COG6: variants seen among roughly 807,000 people sequenced by gnomAD.
COG6 encodes the protein conserved oligomeric Golgi complex subunit 6.
A neutral mutation model predicts 88.8 loss-of-function variants in COG6; 74 were observed. That is an observed-to-expected ratio of 0.83 (90% CI 0.69 to 1.01). The LOEUF is 1.01. COG6 is among the 50% of genes least tolerant of loss of function. The pLI, the probability that COG6 is intolerant of heterozygous loss-of-function variation, is 0.00. For missense variants in COG6, 800 were observed against 797.9 expected, an observed-to-expected ratio of 1.00 and a Z score of -0.03; for synonymous variants, 286 against 278.7, an observed-to-expected ratio of 1.03 and a Z score of -0.26.
chr13:39,719,643 T>A lies in COG6; in HGVS notation c.1417-17T>A. The stretch of plus-strand genomic sequence containing the variant: ...GTGATTGAGAAATAAAGAGTTCATT[T>A]TATTTTTCATTTGTAGGTTTTATCA... On this transcript the variant is annotated splice_polypyrimidine_tract_variant and intron_variant, in intron 14 of 18. Coordinates refer to ENST00000455146, the MANE Select transcript of COG6 (RefSeq NM_020751.3). The A allele has an allele frequency of 6.2e-7, 1 of 1,606,312 alleles. No homozygotes were observed. The highest frequency in any genetic ancestry group is 8.5e-7 in the Non-Finnish European group (1 of 1,173,656).
chr13:39,690,924 T>G (rs988629925), intron 11 of COG6, among the ~76,000 whole-genome samples: 5 of 151,916 alleles, frequency 3.3e-5, no homozygotes, highest in Admixed American at 2.0e-4. Context: ...TGGCAGTTAC[T>G]GGAAAGGTAG....
At chr13:39,726,714 G>A (rs1879152269) in intron 17 of COG6, among the ~76,000 whole-genome samples, 1 of 151,904 alleles carries the variant, frequency 6.6e-6, no homozygotes, top group South Asian at 2.1e-4. Flanking sequence ...AAATAAGCAT[G>A]CCAGTCCTAC....
At chr13:39,706,365 G>A (rs1177674932) in intron 13 of COG6, among the ~76,000 whole-genome samples, 1 of 148,958 alleles carries the variant, frequency 6.7e-6, no homozygotes, top group Non-Finnish European at 1.5e-5. Context: ...TTTTTTGAAA[G>A]CAAATGGGCG....
chr13:39,740,437 A>G (rs146975273), intron 18 of COG6, among the ~76,000 whole-genome samples: 1 of 152,278 alleles, frequency 6.6e-6, no homozygotes, highest in African/African-American at 2.4e-5. Flanking sequence ...AATTCTTTCG[A>G]TGAATTTAAA....
intron 11 of COG6, 29 bp from the exon 12 acceptor site, chr13:39,694,605 G>A: frequency 7.5e-7 from 1 of 1,339,810 alleles, no homozygotes; most frequent in Non-Finnish European, 1.1e-6. Context: ...TTTAAGAAAT[G>A]TTTACTTTCC....
chr13:39,736,962 T>G (rs752329079), intron 18 of COG6, among the ~76,000 whole-genome samples: 8 of 152,180 alleles, frequency 5.3e-5, no homozygotes, highest in Non-Finnish European at 1.0e-4. Flanking sequence ...GTCCTTCTTA[T>G]GAAGGCTTTC....
At position 39,680,002 on chromosome 13, in the gene COG6, A is replaced by T. The variant is rs891132018; in HGVS notation, c.651A>T (p.Leu217Phe). 1 of 1,583,196 alleles carries T rather than the reference A, an allele frequency of 6.3e-7. No individual in the cohort carries two copies. The highest frequency in any genetic ancestry group is 1.3e-5 in the African/African-American group (1 of 74,344). Reference sequence around the variant, plus strand: ...TAGAAATTATGGAACAGATGGCCTTACTTCAAGAAACGGCTTATGAAAGAC... The same window carrying T: ...TAGAAATTATGGAACAGATGGCCTTTCTTCAAGAAACGGCTTATGAAAGAC... Reference protein sequence around the residue: ...AGLEIMEQMALLQETAYERLY... With the variant: ...AGLEIMEQMAFLQETAYERLY... The change falls in exon 7 of 19, where the codon TTA (leucine) becomes TTT (phenylalanine). Residue 217 changes from leucine (L) to phenylalanine (F), a missense_variant. Leu to Phe is a conservative substitution (Grantham distance 22). Coordinates refer to ENST00000455146, the MANE Select transcript of COG6 (RefSeq NM_020751.3).
chr13:39,713,868 T>C (rs752674716), intron 13 of COG6, among the ~76,000 whole-genome samples: 8 of 152,264 alleles, frequency 5.3e-5, no homozygotes, highest in Non-Finnish European at 1.0e-4. Context: ...GTTATTCTGC[T>C]ACAGGATTTT....
At chr13:39,736,875 A>G (rs546724151) in intron 18 of COG6, among the ~76,000 whole-genome samples, 1 of 152,146 alleles carries the variant, frequency 6.6e-6, no homozygotes, top group Admixed American at 6.5e-5. Context: ...GATGGTCTTG[A>G]TGCTTGTAGA....
chr13:39,746,847 T>A (rs192485775), intron 18 of COG6, among the ~76,000 whole-genome samples: 34 of 152,340 alleles, frequency 2.2e-4, no homozygotes, highest in Admixed American at 1.6e-3. Flanking sequence ...CATTCATTTA[T>A]ATACAAATAA....
At chr13:39,673,804 G>A (rs1381085795) in intron 4 of COG6, among the ~76,000 whole-genome samples, 1 of 151,838 alleles carries the variant, frequency 6.6e-6, no homozygotes, top group Non-Finnish European at 1.5e-5. Context: ...GTGAGTATGT[G>A]TGTGTATTGT....
exon 19 of COG6, chr13:39,789,001 A>G (rs998706340): frequency 6.6e-6 from 1 of 152,244 alleles, no homozygotes; most frequent in African/African-American, 2.4e-5. Flanking sequence ...AAAGGCAAAA[A>G]AGGATATACA....
chr13:39,660,691 T>G, intron 2 of COG6, 119 bp from the exon 3 acceptor site: 1 of 682,876 alleles, frequency 1.5e-6, no homozygotes, highest in Non-Finnish European at 2.6e-6. Context: ...TGGGATCTCT[T>G]GTCATGCCTT....
intron 18 of COG6, among the ~76,000 whole-genome samples, chr13:39,732,069 G>T (rs922781789): frequency 6.6e-6 from 1 of 152,050 alleles, no homozygotes; most frequent in Non-Finnish European, 1.5e-5. Context: ...GATGGAGCCC[G>T]CCCCATTGAC....
At chr13:39,763,976 G>C (rs1881095288) in intron 18 of COG6, among the ~76,000 whole-genome samples, 1 of 151,800 alleles carries the variant, frequency 6.6e-6, no homozygotes, top group South Asian at 2.1e-4. Flanking sequence ...ATGTAAGATT[G>C]TTATTACTTC....
rs9943937 is a variant in COG6 at position 39,726,066 on chromosome 13, C to T, written c.1747-1403C>T. On this transcript the variant is annotated intron_variant, in intron 17 of 18. Transcript: ENST00000455146. ...AACAATTAAGGTGAATATGAATATA[C>T]GATGTCTCTGGAGAAACAAATCTTG... Among the ~76,000 whole-genome samples, 341 of 151,918 alleles carry T rather than the reference C, an allele frequency of 2.2e-3. 2 individuals carry two copies. Among genetic ancestry groups the T allele is most frequent in the African/African-American group, 7.6e-3 (315 of 41,510 alleles).
At chr13:39,718,884 G>T (rs952919716) in intron 13 of COG6, among the ~76,000 whole-genome samples, 1 of 152,012 alleles carries the variant, frequency 6.6e-6, no homozygotes, top group Non-Finnish European at 1.5e-5. Context: ...AATAGTGCTG[G>T]TCTATAGACT....
At chr13:39,785,045 C>T (rs763121083) in intron 18 of COG6, among the ~76,000 whole-genome samples, 7 of 152,182 alleles carry the variant, frequency 4.6e-5, no homozygotes, top group Non-Finnish European at 8.8e-5. Flanking sequence ...CATGGCCAAC[C>T]GCAATATGCT....
chr13:39,712,863 G>C (rs961187707), intron 13 of COG6, among the ~76,000 whole-genome samples: 1 of 152,218 alleles, frequency 6.6e-6, no homozygotes, highest in Non-Finnish European at 1.5e-5. Context: ...TAGATACTCA[G>C]CGAAGTGTCA....
Sources: gnomAD v4.1 joint callset for allele counts (sites outside exome capture counted in the v4.1 genomes callset) on GRCh38, gnomAD v4.1.1 for gene constraint, MANE v1.5 for transcripts, NCBI Gene and HGNC (gene_info 2026-07-23, HGNC 2026-07-21) for gene names.